The following ABCA13 variants were observed in gnomAD, a reference collection of about 807,000 sequenced individuals.
The protein encoded by ABCA13 is ATP-binding cassette sub-family A member 13.
Under a neutral mutation model 478.7 loss-of-function variants are expected in ABCA13, and 476 were observed. The observed-to-expected ratio is 0.99, with a 90% confidence interval of 0.92 to 1.07. The LOEUF (loss-of-function observed/expected upper bound fraction) is 1.07. Ranked by LOEUF, ABCA13 falls within the 50% of genes least tolerant of loss-of-function variation. ABCA13 has a pLI of 0.00. For missense variants in ABCA13, 6,060 were observed against 5,910.6 expected (o/e 1.03, Z -0.83); for synonymous variants, 2,252 against 2,158.9 (o/e 1.04, Z -1.20).
chr7:48,337,233 T>C (rs1194602933), intron 28 of ABCA13, among the ~76,000 whole-genome samples: 1 of 151,922 alleles, frequency 6.6e-6, no homozygotes, highest in African/African-American at 2.4e-5. Flanking sequence ...GTGGTTAGAG[T>C]CTCTGAGGAA....
chr7:48,513,739 C>CA (rs751097065), intron 51 of ABCA13, among the ~76,000 whole-genome samples: 1 of 151,778 alleles, frequency 6.6e-6, no homozygotes, highest in South Asian at 2.1e-4. Flanking sequence ...GTAATTTTCA[C>CA]AAAAAAATAA....
At position 48,279,698 on chromosome 7, in the gene ABCA13, C is replaced by G; in HGVS notation, c.8504C>G (p.Ser2835Cys). The G allele has an allele frequency of 6.2e-7, 1 of 1,613,584 alleles. No individual in the cohort carries two copies. The highest frequency in any genetic ancestry group is 8.5e-7 in the Non-Finnish European group (1 of 1,179,766). Residue 2835 changes from serine (S) to cysteine (C), a missense_variant, in exon 18 of 62, where the codon TCT becomes TGT. Ser to Cys is a moderately radical substitution (Grantham distance 112, BLOSUM62 -1). Transcript: ENST00000435803. ...LWRKGLLFNNSEWITSTRTLF... is the reference protein window; with the variant it reads ...LWRKGLLFNNCEWITSTRTLF... ...AGGAAAGGACTTCTGTTTAACAACT[C>G]TGAATGGATAACTTCCACAAGAACT...
chr7:48,338,578 A>G (rs1486051668), intron 29 of ABCA13, 123 bp downstream of exon 29: 2 of 607,616 alleles, frequency 3.3e-6, no homozygotes, highest in East Asian at 6.3e-5. Context: ...TTCCTCTCTC[A>G]GTTTCTATTT....
intron 59 of ABCA13, among the ~76,000 whole-genome samples, chr7:48,616,263 C>T (rs1214685309): frequency 6.6e-6 from 1 of 151,968 alleles, no homozygotes; most frequent in Non-Finnish European, 1.5e-5. Flanking sequence ...AGTGAGTGTC[C>T]ATTTTTAGAG....
chr7:48,373,325 C>T (rs1812953477), intron 33 of ABCA13, among the ~76,000 whole-genome samples: 1 of 152,142 alleles, frequency 6.6e-6, no homozygotes. Flanking sequence ...CATGACGGCC[C>T]CAGTGCTTCA....
At chr7:48,220,963 C>G (rs1787277826) in intron 4 of ABCA13, among the ~76,000 whole-genome samples, 4 of 151,966 alleles carry the variant, frequency 2.6e-5, no homozygotes, top group Admixed American at 1.3e-4. Flanking sequence ...TTTATTCCCT[C>G]TCTCCTATCC....
At chr7:48,207,971 T>C (rs1443822142) in intron 3 of ABCA13, among the ~76,000 whole-genome samples, 1 of 152,112 alleles carries the variant, frequency 6.6e-6, no homozygotes, top group Admixed American at 6.6e-5. Context: ...TTTTGATTTT[T>C]TTTTAATATG....
chr7:48,579,737 A>G (rs1788529023), intron 55 of ABCA13, among the ~76,000 whole-genome samples: 1 of 152,092 alleles, frequency 6.6e-6, no homozygotes, highest in Non-Finnish European at 1.5e-5. Flanking sequence ...AGCAAAAGGG[A>G]TTTGGGGATT....
In ABCA13 at chr7:48,244,679, G is replaced by A. The variant is rs759361720; in HGVS notation, c.1366G>A (p.Ala456Thr). ...QLDGALRNAI[A>T]QNLHFVQEVL... ...TGATGGAGCTCTCAGAAATGCGATA[G>A]CTCAGAATTTACATTTTGTCCAAGG... The change falls in exon 11 of 62, where the codon GCT becomes ACT. Residue 456 changes from alanine (A) to threonine (T), a missense_variant. Ala to Thr is a moderately conservative substitution (Grantham distance 58, BLOSUM62 0). This residue lies in a region of ABCA13 where 4,423 missense variants were observed against 4,309.1 expected (regional missense o/e 1.03). Transcript: ENST00000435803. The A allele has an allele frequency of 1.9e-6, 3 of 1,604,640 alleles. No individual in the cohort carries two copies. Among genetic ancestry groups the A allele is most frequent in the Non-Finnish European group, 1.7e-6 (2 of 1,174,272 alleles).
intron 38 of ABCA13, among the ~76,000 whole-genome samples, chr7:48,395,780 A>G (rs1816759366): frequency 6.6e-6 from 1 of 152,234 alleles, no homozygotes; most frequent in African/African-American, 2.4e-5. Flanking sequence ...CATGTAATGC[A>G]TATAACATAC....
chr7:48,301,763 A>T (rs1800188924), intron 23 of ABCA13, among the ~76,000 whole-genome samples: 1 of 151,856 alleles, frequency 6.6e-6, no homozygotes. Context: ...AAGTGCACAC[A>T]CCCATCCACC....
At chr7:48,510,104 C>T (rs1403468149) in intron 50 of ABCA13, among the ~76,000 whole-genome samples, 1 of 152,216 alleles carries the variant, frequency 6.6e-6, no homozygotes, top group African/African-American at 2.4e-5. Context: ...GAGAAGATTG[C>T]TCCCTCAAAG....
rs373253779 is a variant in ABCA13, at chr7:48,632,957, A to G, written c.14838-10331A>G. ...AATGAATGACTTAAATGTAAATGCTAAAACTGTAAAACTCTTAGAAGAAAA... is the reference window on the plus strand; with the variant it reads ...AATGAATGACTTAAATGTAAATGCTGAAACTGTAAAACTCTTAGAAGAAAA... On this transcript the variant is annotated intron_variant, in intron 59 of 61. Coordinates refer to ENST00000435803, the MANE Select transcript of ABCA13 (RefSeq NM_152701.5). 2.0e-5 allele frequency among the ~76,000 whole-genome samples: 3 copies of G among 152,212 alleles called. No homozygotes were observed. The South Asian group carries it at 6.2e-4, about 32-fold the overall frequency.
At position 48,198,269 on chromosome 7, in the gene ABCA13, G is replaced by A. The variant is rs1798210426; in HGVS notation, c.196G>A (p.Gly66Ser). ...GCAGCCCCGAGATCTACCCAGCTGT[G>A]GTGTTATCCCCTTTGTTCAAAGCCT... ...YLQPRDLPSCGVIPFVQSLLC... is the reference protein window; with the variant it reads ...YLQPRDLPSCSVIPFVQSLLC... Residue 66 changes from glycine (G) to serine (S), a missense_variant, in exon 3 of 62, where the codon GGT becomes AGT. Transcript: ENST00000435803. 1.9e-6 allele frequency: 3 copies of A among 1,613,240 alleles called. No individual in the cohort carries two copies. Among genetic ancestry groups the A allele is most frequent in the African/African-American group, 1.3e-5 (1 of 74,844 alleles).
intron 27 of ABCA13, among the ~76,000 whole-genome samples, chr7:48,318,860 T>A (rs909380227): frequency 1.3e-5 from 2 of 152,192 alleles, no homozygotes; most frequent in Non-Finnish European, 2.9e-5. Flanking sequence ...ATATGCTATA[T>A]TATTATGTTA....
rs566807809 is a variant in ABCA13, at chr7:48,178,994, T to C, written c.69+7442T>C. Among the ~76,000 whole-genome samples the C allele has an allele frequency of 2.4e-4, 36 of 147,422 alleles. No homozygotes were observed. The South Asian group carries it at 4.2e-3, about 17-fold the overall frequency. On this transcript the variant is annotated intron_variant, in intron 1 of 61. Transcript: ENST00000435803. ...CAAAAACTAATAATAATAATAATAA[T>C]AATAATAATAATAATAATAATAATA...
intron 23 of ABCA13, among the ~76,000 whole-genome samples, chr7:48,308,217 C>T (rs910051696): frequency 1.3e-5 from 2 of 152,156 alleles, no homozygotes; most frequent in African/African-American, 2.4e-5. Flanking sequence ...ATACCACTGT[C>T]TTCCACTTCC....
chr7:48,566,369 A>G (rs1277969334), intron 55 of ABCA13, among the ~76,000 whole-genome samples: 1 of 152,180 alleles, frequency 6.6e-6, no homozygotes, highest in African/African-American at 2.4e-5. Context: ...AGCGTAAAGC[A>G]TACAGTTATG....
intron 23 of ABCA13, among the ~76,000 whole-genome samples, chr7:48,308,406 G>T (rs531478051): frequency 6.6e-6 from 1 of 152,034 alleles, no homozygotes; most frequent in African/African-American, 2.4e-5. Flanking sequence ...ATATAGTATA[G>T]TTAGTACATA....
Sources: allele counts gnomAD v4.1 joint callset (sites outside exome capture counted in the v4.1 genomes callset), GRCh38; gene constraint gnomAD v4.1.1; regional missense constraint gnomAD v4.1.1; transcripts MANE v1.5; gene names NCBI Gene and HGNC (gene_info 2026-07-23, HGNC 2026-07-21).